The following VAV3 variants were observed in gnomAD, a reference collection of about 807,000 sequenced individuals.
VAV3 encodes guanine nucleotide exchange factor VAV3.
Under a neutral mutation model 131.2 loss-of-function variants are expected in VAV3, and 94 were observed. That is an observed-to-expected ratio of 0.72 (90% CI 0.61 to 0.85). The LOEUF (loss-of-function observed/expected upper bound fraction) is 0.85, where lower values mean the gene tolerates loss of function less well. Among genes scored for constraint, VAV3 ranks in the 40% least tolerant of loss-of-function variants. VAV3 has a pLI of 0.00. For missense variants in VAV3, 939 were observed against 1,002.7 expected, an observed-to-expected ratio of 0.94 and a Z score of 0.86; for synonymous variants, 349 against 342.0, an observed-to-expected ratio of 1.02 and a Z score of -0.22.
intron 17 of VAV3, among the ~76,000 whole-genome samples, chr1:107,691,003 G>A (rs921227284): frequency 1.3e-5 from 2 of 152,114 alleles, no homozygotes; most frequent in African/African-American, 4.8e-5. Context: ...TAAGAATAAG[G>A]CAAAACCCAA....
intron 2 of VAV3, among the ~76,000 whole-genome samples, chr1:107,865,189 A>G (rs892989673): frequency 1.3e-5 from 2 of 152,202 alleles, no homozygotes; most frequent in African/African-American, 4.8e-5. Context: ...TCAAAGTCTC[A>G]GGATGAGCTG....
intron 2 of VAV3, among the ~76,000 whole-genome samples, chr1:107,816,800 T>G (rs1248557119): frequency 6.6e-6 from 1 of 152,254 alleles, no homozygotes; most frequent in Non-Finnish European, 1.5e-5. Context: ...ATTCAAACCC[T>G]CTTATTTTCC....
intron 1 of VAV3, among the ~76,000 whole-genome samples, chr1:107,941,377 G>A (rs1302240774): frequency 6.6e-6 from 1 of 152,104 alleles, no homozygotes; most frequent in Non-Finnish European, 1.5e-5. Context: ...ACGGCTTTTT[G>A]CTGTGTAATT....
intron 1 of VAV3, among the ~76,000 whole-genome samples, chr1:107,926,930 C>T (rs1673185886): frequency 6.6e-6 from 1 of 152,110 alleles, no homozygotes; most frequent in Non-Finnish European, 1.5e-5. Flanking sequence ...AGCCAGGGGA[C>T]TGTGGGGGAA....
intron 19 of VAV3, among the ~76,000 whole-genome samples, chr1:107,652,084 A>C (rs1656215878): frequency 6.6e-6 from 1 of 152,146 alleles, no homozygotes; most frequent in Non-Finnish European, 1.5e-5. Context: ...CGGTTAAGGC[A>C]TTCTAAGTCA....
chr1:107,906,672 A>C (rs1284931730), intron 1 of VAV3, among the ~76,000 whole-genome samples: 3 of 152,200 alleles, frequency 2.0e-5, no homozygotes, highest in Admixed American at 2.0e-4. Flanking sequence ...TTTCAAAAAA[A>C]TTAAAATACA....
chr1:107,943,585 T>G (rs1227738516), intron 1 of VAV3, among the ~76,000 whole-genome samples: 1 of 151,862 alleles, frequency 6.6e-6, no homozygotes, highest in African/African-American at 2.4e-5. Context: ...CTACTAAAAG[T>G]ACAAAAATTA....
chr1:107,749,141 G>T, intron 14 of VAV3, 64 bp from the exon 15 acceptor site: 1 of 1,199,862 alleles, frequency 8.3e-7, no homozygotes, highest in South Asian at 1.4e-5. Context: ...AAATTCACAA[G>T]AATACCACAA....
chr1:107,877,969 C>A (rs1670585163), intron 1 of VAV3, among the ~76,000 whole-genome samples: 1 of 152,160 alleles, frequency 6.6e-6, no homozygotes, highest in South Asian at 2.1e-4. Flanking sequence ...AGGCTGCCAG[C>A]CTGCCAGCAG....
chr1:107,625,281 C>T (rs1484638820), intron 20 of VAV3, among the ~76,000 whole-genome samples: 4 of 147,642 alleles, frequency 2.7e-5, no homozygotes, highest in South Asian at 2.1e-4. Context: ...CTTTTTGGGA[C>T]GGCATCTCAC....
chr1:107,867,048 A>G (rs1168583899), intron 2 of VAV3, among the ~76,000 whole-genome samples: 1 of 152,168 alleles, frequency 6.6e-6, no homozygotes, highest in Admixed American at 6.5e-5. Flanking sequence ...GGAGTAAACA[A>G]AAGTTTGTTT....
chr1:107,923,987 T>C (rs1673034916), intron 1 of VAV3, among the ~76,000 whole-genome samples: 1 of 152,206 alleles, frequency 6.6e-6, no homozygotes, highest in Admixed American at 6.5e-5. Context: ...TAAATTCCTG[T>C]TGTTTATAAG....
Position 107,766,532 on chromosome 1 carries a change from G to C in VAV3, c.736C>G (p.Arg246Gly), listed in dbSNP as rs149523730. The C allele has an allele frequency of 5.0e-6, 8 of 1,612,918 alleles. No homozygotes were observed. The highest frequency in any genetic ancestry group is 6.8e-6 in the Non-Finnish European group (8 of 1,179,462). ...INIPELVKLH[R>G]NLMQEIHDSI... ...TCATGAATCTCTTGCATTAGGTTCCGATGAAGTTTTACAAGTTCCTAAGAA... is the reference window on the plus strand; with the variant it reads ...TCATGAATCTCTTGCATTAGGTTCCCATGAAGTTTTACAAGTTCCTAAGAA... The change falls in exon 8 of 27, where the codon CGG becomes GGG. Residue 246 changes from arginine to glycine, a missense_variant. By Grantham distance (125) the Arg-to-Gly change is moderately radical. Transcript: ENST00000370056.
chr1:107,748,929 A>G (rs1663525395), intron 15 of VAV3, 39 bp downstream of exon 15: 1 of 1,387,278 alleles, frequency 7.2e-7, no homozygotes, highest in East Asian at 2.4e-5. Context: ...TGATTTAACT[A>G]GTAAAAATAA....
chr1:107,762,543 G>C (rs1245926443), intron 9 of VAV3, among the ~76,000 whole-genome samples: 1 of 152,104 alleles, frequency 6.6e-6, no homozygotes, highest in African/African-American at 2.4e-5. Context: ...AAGTTACATT[G>C]TTAATATTAC....
chr1:107,710,901 A>C (rs1372871375), intron 15 of VAV3, among the ~76,000 whole-genome samples: 1 of 152,182 alleles, frequency 6.6e-6, no homozygotes, highest in East Asian at 1.9e-4. Flanking sequence ...AAACTAAATA[A>C]ACTAGACATT....
At chr1:107,625,349 C>T (rs1185862070) in intron 20 of VAV3, among the ~76,000 whole-genome samples, 2 of 151,666 alleles carry the variant, frequency 1.3e-5, no homozygotes, top group Non-Finnish European at 2.9e-5. Flanking sequence ...TCACTGCAAC[C>T]TCCGCCTCCC....
intron 20 of VAV3, among the ~76,000 whole-genome samples, chr1:107,636,579 A>AAAT (rs1434660184): frequency 1.3e-5 from 2 of 152,234 alleles, no homozygotes; most frequent in Non-Finnish European, 2.9e-5. Context: ...CAGTTGGGCA[A>AAAT]AATAATACAA....
intron 2 of VAV3, among the ~76,000 whole-genome samples, chr1:107,821,049 C>T (rs1264120842): frequency 6.6e-6 from 1 of 151,970 alleles, no homozygotes; most frequent in African/African-American, 2.4e-5. Flanking sequence ...TGGAAAAATA[C>T]AATATAAAAA....
Sources: gnomAD v4.1 joint callset for allele counts (sites outside exome capture counted in the v4.1 genomes callset) on GRCh38, gnomAD v4.1.1 for gene constraint, MANE v1.5 for transcripts, NCBI Gene and HGNC (gene_info 2026-07-23, HGNC 2026-07-21) for gene names.